The following CEMIP variants were observed in gnomAD, a reference collection of about 807,000 sequenced individuals.
CEMIP encodes the protein cell migration inducing hyaluronidase 1, also known as cell migration-inducing and hyaluronan-binding protein.
A neutral mutation model predicts 156.9 loss-of-function variants in CEMIP; 105 were observed. The observed-to-expected ratio is 0.67, with a 90% CI of 0.57 to 0.79. The LOEUF (loss-of-function observed/expected upper bound fraction) is 0.79, where lower values mean the gene tolerates loss of function less well. Ranked by LOEUF, CEMIP falls within the 30% of genes least tolerant of loss-of-function variation. The probability of loss-of-function intolerance (pLI) is 0.00; values close to 1 mark genes in which losing one functional copy is unlikely to be tolerated. For synonymous variants in CEMIP, 676 were observed against 668.4 expected, an observed-to-expected ratio of 1.01 and a Z score of -0.17; for missense variants, 1,457 against 1,769.4, an observed-to-expected ratio of 0.82 and a Z score of 3.17.
rs201476182 is a variant in CEMIP, at chr15:80,946,683, GGA to G, written c.3858-275_3858-274del. On this transcript the variant is annotated intron_variant, in intron 28 of 29. Coordinates refer to ENST00000394685, the MANE Select transcript of CEMIP (RefSeq NM_001293298.2). ...TCTGCTTACATCCTCTCCTCTGTTT[GGA>G]GAGAGACATGTAAACGCGGTGAGCC... The G allele has an allele frequency of 2.0e-3, 911 of 452,520 alleles. 15 individuals are homozygous for G. The highest frequency in any genetic ancestry group is 0.012 in the South Asian group (593 of 47,810). The allele number at this position is 452,520 out of a possible 1,614,324, so 28.0% of individuals were successfully genotyped here.
At chr15:80,944,142 T>A (rs1270557038) in intron 28 of CEMIP, among the ~76,000 whole-genome samples, 1 of 152,090 alleles carries the variant, frequency 6.6e-6, no homozygotes, top group African/African-American at 2.4e-5. Context: ...TAGCTGGGTG[T>A]GGTGGTGCAC....
At chr15:80,947,991 C>G (rs1358401110) in intron 29 of CEMIP, 1 of 152,314 alleles carries the variant, frequency 6.6e-6, no homozygotes, top group Non-Finnish European at 1.5e-5. Flanking sequence ...TGAGAAAAAT[C>G]AGAAGCAATG....
At chr15:80,913,961 C>T (rs139112521) in intron 14 of CEMIP, among the ~76,000 whole-genome samples, 3 of 152,364 alleles carry the variant, frequency 2.0e-5, no homozygotes, top group African/African-American at 7.2e-5. Flanking sequence ...CAGTTTGTAA[C>T]AGAGAAGCAC....
intron 15 of CEMIP, among the ~76,000 whole-genome samples, chr15:80,920,754 C>T (rs996592839): frequency 2.0e-5 from 3 of 152,204 alleles, no homozygotes; most frequent in Admixed American, 2.0e-4. Context: ...GTTCTTCTGA[C>T]CTGCATGTAT....
At chr15:80,780,834 C>G (rs185570089) in intron 1 of CEMIP, among the ~76,000 whole-genome samples, 1 of 152,162 alleles carries the variant, frequency 6.6e-6, no homozygotes, top group Non-Finnish European at 1.5e-5. Flanking sequence ...CCCTGGGTCT[C>G]CGGGGAAGTC....
At chr15:80,788,495 AAAAAAG>A (rs1245554500) in intron 1 of CEMIP, among the ~76,000 whole-genome samples, 9 of 151,808 alleles carry the variant, frequency 5.9e-5, no homozygotes, top group Non-Finnish European at 8.8e-5. Flanking sequence ...AAGAAAAAAG[AAAAAAG>A]AAAAAGAAAA....
chr15:80,906,878 AGAGT>A lies in CEMIP; in HGVS notation c.1587+41_1587+44del. The A allele has an allele frequency of 6.3e-7, 1 of 1,577,662 alleles. No individual in the cohort carries two copies. The highest frequency in any genetic ancestry group is 8.6e-7 in the Non-Finnish European group (1 of 1,159,742). On this transcript the variant is annotated intron_variant, in intron 13 of 29. Coordinates refer to ENST00000394685, the MANE Select transcript of CEMIP (RefSeq NM_001293298.2). This position sits in a 1 kb window ranked among gnomAD's most constrained non-coding sequence, Gnocchi z 4.3. ...GGCAGAGTCTTTCAACCCAACCAGG[AGAGT>A]TCCTATGATGTCAGCCTCTAGACGG...
chr15:80,834,496 G>C (rs1315451849), intron 1 of CEMIP, among the ~76,000 whole-genome samples: 1 of 152,180 alleles, frequency 6.6e-6, no homozygotes, highest in African/African-American at 2.4e-5. Context: ...TTTAAAATAT[G>C]GCTATTCAAT....
intron 7 of CEMIP, among the ~76,000 whole-genome samples, chr15:80,884,665 C>T (rs1898776522): frequency 1.3e-5 from 2 of 152,228 alleles, no homozygotes; most frequent in African/African-American, 4.8e-5. Flanking sequence ...AGCCATGCCT[C>T]CAATGCACAG....
rs147797520 is a variant in CEMIP at position 80,807,800 on chromosome 15, T to C, written c.-176+28186T>C. ...TTTCTGTCAGTGCTCTGCCATTGCA[T>C]TGACATTTACAAAGATCTGTTTGTA... On this transcript the variant is annotated intron_variant, in intron 1 of 29. Transcript: ENST00000394685. Among the ~76,000 whole-genome samples the C allele has an allele frequency of 3.9e-5, 6 of 152,370 alleles. No individual in the cohort carries two copies. In the East Asian group the frequency reaches 9.6e-4, roughly 24 times the overall value.
chr15:80,826,003 C>T (rs56131304), intron 1 of CEMIP, among the ~76,000 whole-genome samples: 35,870 of 152,116 alleles, frequency 0.24, 4,422 homozygotes, highest in South Asian at 0.35. Context: ...CTCCCACCTA[C>T]AATTGTACAA....
intron 19 of CEMIP, among the ~76,000 whole-genome samples, chr15:80,928,136 G>A (rs1001723843): frequency 1.1e-4 from 17 of 152,254 alleles, no homozygotes; most frequent in African/African-American, 3.4e-4. Flanking sequence ...AGGACAGATG[G>A]AAGGAGCAGA....
intron 1 of CEMIP, among the ~76,000 whole-genome samples, chr15:80,863,041 A>G (rs975194463): frequency 1.3e-5 from 2 of 152,098 alleles, no homozygotes; most frequent in African/African-American, 4.8e-5. Context: ...AAACTGTAGG[A>G]GGGGCAGGCT....
At chr15:80,920,345 C>T in intron 15 of CEMIP, 46 bp downstream of exon 15, 1 of 1,506,762 alleles carries the variant, frequency 6.6e-7, no homozygotes, top group Non-Finnish European at 9.2e-7. Flanking sequence ...AAGGGGTGTA[C>T]ATGTGTGTGC....
intron 24 of CEMIP, among the ~76,000 whole-genome samples, chr15:80,937,244 T>C (rs747018474): frequency 6.6e-6 from 1 of 152,224 alleles, no homozygotes; most frequent in Admixed American, 6.5e-5. Flanking sequence ...TATCTGGGTA[T>C]TGTTGTTACC....
intron 1 of CEMIP, among the ~76,000 whole-genome samples, chr15:80,851,332 G>A (rs1032814407): frequency 3.3e-5 from 5 of 152,184 alleles, no homozygotes; most frequent in African/African-American, 7.2e-5. Context: ...TAGAGTTAAC[G>A]TGAGTCATTT....
chr15:80,947,128 G>C lies in CEMIP; in HGVS notation c.3958+63G>C. 4 of 1,053,254 alleles carry C rather than the reference G, an allele frequency of 3.8e-6. No individual in the cohort carries two copies. The East Asian group carries it at 9.8e-5, about 26-fold the overall frequency. 65.2% of individuals were successfully genotyped at this position (1,053,254 alleles called of 1,614,324 possible). ...CCAGAGAAGGCAAATGCCTGGCATG[G>C]AGGGTGCTGTCATCTTTTGCTGAGT... On this transcript the variant is annotated intron_variant, in intron 29 of 29. Coordinates refer to ENST00000394685, the MANE Select transcript of CEMIP (RefSeq NM_001293298.2).
In CEMIP at chr15:80,906,251, A is replaced by G. The variant is rs1252499822; in HGVS notation, c.1412-412A>G. Reference sequence around the variant, plus strand: ...GGGCGAGGCTGGCCTGCCAGCCCCCAGAAAAGAGCAAGAGGAGGGCAGTCT... The same window carrying G: ...GGGCGAGGCTGGCCTGCCAGCCCCCGGAAAAGAGCAAGAGGAGGGCAGTCT... On this transcript the variant is annotated intron_variant, in intron 12 of 29. Coordinates refer to ENST00000394685, the MANE Select transcript of CEMIP (RefSeq NM_001293298.2). The surrounding 1 kb of genome is among the most constrained non-coding windows in gnomAD (Gnocchi z 4.3). 6.6e-6 allele frequency among the ~76,000 whole-genome samples: 1 copy of G among 152,196 alleles called. No homozygotes were observed. The highest frequency in any genetic ancestry group is 2.4e-5 in the African/African-American group (1 of 41,456).
chr15:80,935,761 C>T (rs1000719370), intron 23 of CEMIP, among the ~76,000 whole-genome samples: 1 of 151,948 alleles, frequency 6.6e-6, no homozygotes, highest in Non-Finnish European at 1.5e-5. Context: ...GATGGAGTTT[C>T]GCTCTTGTTG....
Sources: allele counts gnomAD v4.1 joint callset (sites outside exome capture counted in the v4.1 genomes callset), GRCh38; gene constraint gnomAD v4.1.1; non-coding constraint Gnocchi (gnomAD v3.1); transcripts MANE v1.5; gene names NCBI Gene and HGNC (gene_info 2026-07-23, HGNC 2026-07-21).